GRAMD1C: variants seen among roughly 807,000 people sequenced by gnomAD.
The protein encoded by GRAMD1C is protein Aster-C.
Under a neutral mutation model 97.8 loss-of-function variants are expected in GRAMD1C, and 89 were observed. The observed-to-expected ratio is 0.91, with a 90% CI of 0.77 to 1.09. GRAMD1C has a LOEUF of 1.09. Among genes scored for constraint, GRAMD1C ranks in the 50% least tolerant of loss-of-function variants. The probability of loss-of-function intolerance (pLI) is 0.00; values close to 1 mark genes in which losing one functional copy is unlikely to be tolerated. For synonymous variants in GRAMD1C, 256 were observed against 267.0 expected, an observed-to-expected ratio of 0.96 and a Z score of 0.40; for missense variants, 740 against 766.4, an observed-to-expected ratio of 0.97 and a Z score of 0.41.
chr3:113,925,482 CAAACAAACA>C (rs1937202346), intron 10 of GRAMD1C, among the ~76,000 whole-genome samples: 1 of 151,524 alleles, frequency 6.6e-6, no homozygotes, highest in African/African-American at 2.4e-5. Context: ...AAAAAACAAA[CAAACAAACA>C]AACAAACAAA....
intron 6 of GRAMD1C, chr3:113,885,236 CG>C (rs1019555921): frequency 3.8e-5 from 39 of 1,015,134 alleles, no homozygotes; most frequent in Non-Finnish European, 5.5e-5. Context: ...GGGTTGCCCC[CG>C]GGGGGCTGGC....
At chr3:113,906,237 C>G (rs2107322755) in intron 8 of GRAMD1C, among the ~76,000 whole-genome samples, 1 of 152,190 alleles carries the variant, frequency 6.6e-6, no homozygotes, top group South Asian at 2.1e-4. Flanking sequence ...AAAAAGTTAA[C>G]TTTGAAACAG....
At chr3:113,906,050 A>G (rs1158598708) in intron 8 of GRAMD1C, among the ~76,000 whole-genome samples, 7 of 152,220 alleles carry the variant, frequency 4.6e-5, no homozygotes, top group Non-Finnish European at 1.0e-4. Flanking sequence ...GTGAGGTACC[A>G]TCATAACATG....
At chr3:113,896,240 C>T (rs945514835) in intron 6 of GRAMD1C, among the ~76,000 whole-genome samples, 1 of 152,150 alleles carries the variant, frequency 6.6e-6, no homozygotes, top group Non-Finnish European at 1.5e-5. Flanking sequence ...CTTGACCTTT[C>T]GGCAGCGTTA....
At chr3:113,868,087 A>C (rs1934652939) in intron 2 of GRAMD1C, among the ~76,000 whole-genome samples, 1 of 151,982 alleles carries the variant, frequency 6.6e-6, no homozygotes, top group African/African-American at 2.4e-5. Flanking sequence ...TGAATTTTTT[A>C]TTTGATTGTA....
chr3:113,880,788 C>G (rs1348204924), intron 5 of GRAMD1C, among the ~76,000 whole-genome samples: 1 of 152,124 alleles, frequency 6.6e-6, no homozygotes, highest in African/African-American at 2.4e-5. Flanking sequence ...GATAATTATT[C>G]TCATTTTGCA....
chr3:113,843,886 G>A (rs537789591), intron 1 of GRAMD1C, among the ~76,000 whole-genome samples: 1 of 152,162 alleles, frequency 6.6e-6, no homozygotes, highest in African/African-American at 2.4e-5. Context: ...TTGACTCTAT[G>A]TGTATATTAA....
chr3:113,919,812 T>G (rs1936968156), intron 10 of GRAMD1C: 33 of 632,040 alleles, frequency 5.2e-5, no homozygotes, highest in Non-Finnish European at 9.1e-5. Context: ...ATTTACTTCT[T>G]AGTAGTAAGA....
At chr3:113,879,060 C>G (rs982903059) in intron 5 of GRAMD1C, among the ~76,000 whole-genome samples, 1 of 152,080 alleles carries the variant, frequency 6.6e-6, no homozygotes, top group African/African-American at 2.4e-5. Flanking sequence ...CAAAAATTAG[C>G]TGGGCATGGT....
At chr3:113,840,872 A>G (rs1709766925) in intron 1 of GRAMD1C, among the ~76,000 whole-genome samples, 1 of 152,228 alleles carries the variant, frequency 6.6e-6, no homozygotes, top group African/African-American at 2.4e-5. Flanking sequence ...GATGTCATCA[A>G]TGGAATGTTA....
At chr3:113,850,877 C>A (rs1207540256) in intron 2 of GRAMD1C, 1 of 195,926 alleles carries the variant, frequency 5.1e-6, no homozygotes, top group Non-Finnish European at 7.6e-6. Flanking sequence ...TCTTGGCTCA[C>A]TGCAAACTCC....
intron 8 of GRAMD1C, 88 bp downstream of exon 8, chr3:113,904,360 A>T: frequency 1.0e-6 from 1 of 954,610 alleles, no homozygotes. Flanking sequence ...AGTATACAAA[A>T]TGTTAAAAAT....
intron 10 of GRAMD1C, among the ~76,000 whole-genome samples, chr3:113,918,150 T>TA (rs1371066081): frequency 6.6e-6 from 1 of 152,110 alleles, no homozygotes; most frequent in Non-Finnish European, 1.5e-5. Flanking sequence ...TTTTGTAATT[T>TA]AAAAAAATTA....
At chr3:113,937,976 G>T in intron 14 of GRAMD1C, 110 bp from the exon 15 acceptor site, 1 of 595,150 alleles carries the variant, frequency 1.7e-6, no homozygotes, top group South Asian at 2.0e-5. Context: ...TTGCACTCCA[G>T]CCTGGGCAAC....
intron 3 of GRAMD1C, among the ~76,000 whole-genome samples, chr3:113,872,451 G>GT (rs1374271951): frequency 7.1e-6 from 1 of 140,436 alleles, no homozygotes; most frequent in African/African-American, 2.8e-5. Flanking sequence ...CTGGAGTGCA[G>GT]TGGTGTGATC....
chr3:113,851,304 A>T (rs750673147), intron 2 of GRAMD1C, among the ~76,000 whole-genome samples: 1 of 152,172 alleles, frequency 6.6e-6, no homozygotes, highest in Non-Finnish European at 1.5e-5. Context: ...TCTTTGATTT[A>T]GGAAGGGAAA....
chr3:113,889,469 A>G lies in GRAMD1C; in HGVS notation c.540+6637A>G, dbSNP rs544081099. Among the ~76,000 whole-genome samples, 5 of 152,320 alleles carry G rather than the reference A, an allele frequency of 3.3e-5. No homozygotes were observed. The East Asian group carries it at 9.6e-4, about 29-fold the overall frequency. ...AGTCAGTTATCTTTCTGGGTTGACA[A>G]CGTGTCCTGAAATTAGCGGTGATGG... On this transcript the variant is annotated intron_variant, in intron 6 of 17. Coordinates refer to ENST00000358160, the MANE Select transcript of GRAMD1C (RefSeq NM_017577.5).
rs182989741 is a variant in GRAMD1C, at chr3:113,874,029, A to G, written c.260-1455A>G. On this transcript the variant is annotated intron_variant, in intron 3 of 17. Transcript: ENST00000358160. ...AGAAAATTCTGTTTGGTGGCACCTC[A>G]CTTTTGTTTTGCTGATGGAAGCATT... Among the ~76,000 whole-genome samples the G allele has an allele frequency of 2.9e-3, 441 of 152,248 alleles. 4 individuals carry two copies. Among genetic ancestry groups the G allele is most frequent in the African/African-American group, 0.01 (423 of 41,548 alleles).
At position 113,890,570 on chromosome 3, in the gene GRAMD1C, C is replaced by T. The variant is rs967541876; in HGVS notation, c.540+7738C>T. 11 of 560,492 alleles carry T rather than the reference C, an allele frequency of 2.0e-5. No individual in the cohort carries two copies. The East Asian group carries it at 2.9e-4, about 15-fold the overall frequency. The allele number at this position is 560,492 out of a possible 1,614,324, so 34.7% of individuals were successfully genotyped here. On this transcript the variant is annotated intron_variant, in intron 6 of 17. Transcript: ENST00000358160. ...TACCGTGGGGTGCTCTATTCTAGCA[C>T]TGGCTGAAAACTCCAGTGTTGCCAT...
Sources: gnomAD v4.1 joint callset for allele counts (sites outside exome capture counted in the v4.1 genomes callset) on GRCh38, gnomAD v4.1.1 for gene constraint, MANE v1.5 for transcripts, NCBI Gene and HGNC (gene_info 2026-07-23, HGNC 2026-07-21) for gene names.